The following LRP1B variants were observed in gnomAD, a reference collection of about 807,000 sequenced individuals.
The protein encoded by LRP1B is LDL receptor related protein 1B, also known as low-density lipoprotein receptor-related protein 1B.
A neutral mutation model predicts 556.6 loss-of-function variants in LRP1B; 217 were observed. That is an observed-to-expected ratio of 0.39 (90% CI 0.35 to 0.44). The LOEUF (loss-of-function observed/expected upper bound fraction) is 0.44, where lower values mean the gene tolerates loss of function less well. Among genes scored for constraint, LRP1B ranks in the 20% least tolerant of loss-of-function variants. LRP1B has a pLI of 1.00. For missense variants in LRP1B, 5,053 were observed against 5,620.8 expected, an observed-to-expected ratio of 0.90 and a Z score of 3.23; for synonymous variants, 2,047 against 1,865.8, an observed-to-expected ratio of 1.10 and a Z score of -2.50.
At chr2:140,983,760 T>C (rs1012809323) in intron 17 of LRP1B, among the ~76,000 whole-genome samples, 8 of 152,092 alleles carry the variant, frequency 5.3e-5, no homozygotes, top group Admixed American at 1.3e-4. Context: ...TATTGTAGTA[T>C]GTATTTTGCT....
chr2:140,472,041 C>T (rs78343456), intron 60 of LRP1B, among the ~76,000 whole-genome samples: 4 of 152,298 alleles, frequency 2.6e-5, no homozygotes, highest in East Asian at 3.9e-4. Flanking sequence ...TTCAGTACTG[C>T]TGCATGCATT....
intron 1 of LRP1B, among the ~76,000 whole-genome samples, chr2:142,015,372 C>T (rs1703087520): frequency 6.6e-6 from 1 of 152,056 alleles, no homozygotes; most frequent in Admixed American, 6.6e-5. Flanking sequence ...AAAATTAACT[C>T]CAGATGGATT....
intron 49 of LRP1B, among the ~76,000 whole-genome samples, chr2:140,518,894 C>T (rs974950272): frequency 1.3e-5 from 2 of 152,136 alleles, no homozygotes; most frequent in Admixed American, 6.6e-5. Context: ...AATTTGACTT[C>T]CTCTTTTCCT....
chr2:141,262,474 G>A (rs1161433570), intron 3 of LRP1B, among the ~76,000 whole-genome samples: 1 of 152,022 alleles, frequency 6.6e-6, no homozygotes, highest in Non-Finnish European at 1.5e-5. Context: ...AATATATTCT[G>A]TCATAAATCC....
chr2:141,120,171 A>G (rs1212345816), intron 7 of LRP1B, among the ~76,000 whole-genome samples: 1 of 151,890 alleles, frequency 6.6e-6, no homozygotes, highest in Non-Finnish European at 1.5e-5. Context: ...ATCTTTTTAA[A>G]CAAATCAAGG....
At chr2:140,464,698 C>T (rs1320706584) in intron 60 of LRP1B, among the ~76,000 whole-genome samples, 1 of 152,154 alleles carries the variant, frequency 6.6e-6, no homozygotes, top group Admixed American at 6.5e-5. Context: ...AAATCCTTCA[C>T]AGTACACAGA....
At chr2:140,322,803 C>T (rs1680220256) in intron 81 of LRP1B, among the ~76,000 whole-genome samples, 1 of 151,978 alleles carries the variant, frequency 6.6e-6, no homozygotes, top group Non-Finnish European at 1.5e-5. Context: ...GAGCTGGTGA[C>T]TATGAGAGTG....
At chr2:141,305,496 T>A (rs1331476312) in intron 3 of LRP1B, among the ~76,000 whole-genome samples, 1 of 152,176 alleles carries the variant, frequency 6.6e-6, no homozygotes, top group East Asian at 1.9e-4. Flanking sequence ...TTTGGTGGAA[T>A]CTTTAGTTTT....
At chr2:140,608,830 CTTTGTTTG>C (rs539700122) in intron 41 of LRP1B, among the ~76,000 whole-genome samples, 5 of 127,858 alleles carry the variant, frequency 3.9e-5, no homozygotes, top group South Asian at 4.6e-4. Flanking sequence ...TGATTTGTTT[CTTTGTTTG>C]TTTGTTTGTT....
At chr2:140,532,949 C>T (rs201340383) in intron 47 of LRP1B, among the ~76,000 whole-genome samples, 408 of 42,188 alleles carry the variant, frequency 9.7e-3, no homozygotes, top group South Asian at 0.026. Flanking sequence ...TATATATATA[C>T]ACATATATAT....
chr2:142,035,466 T>A (rs1266410067), intron 1 of LRP1B, among the ~76,000 whole-genome samples: 1 of 148,634 alleles, frequency 6.7e-6, no homozygotes, highest in African/African-American at 2.5e-5. Flanking sequence ...TTATTTGTAT[T>A]TTTTTTTTTA....
chr2:142,053,038 T>TA, intron 1 of LRP1B, among the ~76,000 whole-genome samples: 1 of 152,084 alleles, frequency 6.6e-6, no homozygotes, highest in East Asian at 1.9e-4. Flanking sequence ...TAAGGCAAAA[T>TA]AAAAAGTGCC....
intron 37 of LRP1B, among the ~76,000 whole-genome samples, chr2:140,710,490 A>G (rs963595102): frequency 1.3e-5 from 2 of 152,018 alleles, no homozygotes; most frequent in East Asian, 1.9e-4. Context: ...TATTTTGCAT[A>G]TATTTATTAT....
At chr2:141,115,703 C>T (rs1448090849) in intron 7 of LRP1B, among the ~76,000 whole-genome samples, 1 of 151,430 alleles carries the variant, frequency 6.6e-6, no homozygotes, top group Non-Finnish European at 1.5e-5. Context: ...AGGACGGTCT[C>T]GATCTCCTGA....
At chr2:141,236,382 C>T (rs1479496947) in intron 5 of LRP1B, among the ~76,000 whole-genome samples, 1 of 152,038 alleles carries the variant, frequency 6.6e-6, no homozygotes, top group African/African-American at 2.4e-5. Context: ...ACATATCTCA[C>T]TCATGTAGAA....
At chr2:141,781,443 T>C (rs1262616493) in intron 2 of LRP1B, among the ~76,000 whole-genome samples, 1 of 152,200 alleles carries the variant, frequency 6.6e-6, no homozygotes, top group African/African-American at 2.4e-5. Context: ...TGTGGCAGTC[T>C]CTATGAGTTA....
At chr2:140,780,070 AAG>A in intron 32 of LRP1B, among the ~76,000 whole-genome samples, 1 of 152,176 alleles carries the variant, frequency 6.6e-6, no homozygotes, top group Admixed American at 6.5e-5. Flanking sequence ...AGAAGAAAAA[AAG>A]AAATGAAAAA....
chr2:141,794,029 T>TA (rs1216095991), intron 2 of LRP1B, among the ~76,000 whole-genome samples: 1 of 151,944 alleles, frequency 6.6e-6, no homozygotes. Context: ...TAAAATGCAT[T>TA]GAAAGCAAGC....
chr2:141,512,946 A>C (rs1376382554), intron 2 of LRP1B, among the ~76,000 whole-genome samples: 2 of 152,174 alleles, frequency 1.3e-5, no homozygotes, highest in Non-Finnish European at 2.9e-5. Flanking sequence ...TGATCTATAC[A>C]TTACCGCATT....
Sources: gnomAD v4.1 joint callset for allele counts (sites outside exome capture counted in the v4.1 genomes callset) on GRCh38, gnomAD v4.1.1 for gene constraint, MANE v1.5 for transcripts, NCBI Gene and HGNC (gene_info 2026-07-23, HGNC 2026-07-21) for gene names.